The following STXBP6 variants were observed in gnomAD, a reference collection of about 807,000 sequenced individuals.
The protein encoded by STXBP6 is syntaxin binding protein 6, also known as syntaxin-binding protein 6.
STXBP6 carries 21 observed loss-of-function variants against 26.9 expected under a neutral mutation model. The ratio of observed to expected loss-of-function variants is 0.78; its 90% CI spans 0.55 to 1.12. The LOEUF (loss-of-function observed/expected upper bound fraction) is 1.12, where lower values mean the gene tolerates loss of function less well. Ranked by LOEUF, STXBP6 falls within the 50% of genes most tolerant of loss-of-function variation. The pLI, the probability that STXBP6 is intolerant of heterozygous loss-of-function variation, is 0.00. For synonymous variants in STXBP6, 97 were observed against 92.6 expected, an observed-to-expected ratio of 1.05 and a Z score of -0.27; for missense variants, 232 against 257.9, an observed-to-expected ratio of 0.90 and a Z score of 0.69.
rs2071434711 is a variant in STXBP6, at chr14:24,907,767, T to A, written c.155-50610A>T. On this transcript the variant is annotated intron_variant, in intron 2 of 5. Transcript: ENST00000323944. ...CCATGAAAGAGACACTGATATTAGT[T>A]CCTCTTTTTAAAAGTTTTTTTTCCT... Among the ~76,000 whole-genome samples the A allele has an allele frequency of 2.0e-5, 3 of 152,246 alleles. No homozygotes were observed. In the South Asian group the frequency reaches 6.2e-4, roughly 32 times the overall value.
At chr14:24,942,796 A>T (rs1686566540) in intron 2 of STXBP6, among the ~76,000 whole-genome samples, 1 of 152,340 alleles carries the variant, frequency 6.6e-6, no homozygotes, top group South Asian at 2.1e-4. Flanking sequence ...CCACAGACCA[A>T]TATCTATGTG....
chr14:24,907,756 C>G (rs1228721998), intron 2 of STXBP6, among the ~76,000 whole-genome samples: 1 of 152,078 alleles, frequency 6.6e-6, no homozygotes, highest in African/African-American at 2.4e-5. Context: ...GAAAGAGACA[C>G]TGATATTAGT....
intron 2 of STXBP6, among the ~76,000 whole-genome samples, chr14:24,963,317 A>G (rs1380789444): frequency 6.6e-6 from 1 of 152,208 alleles, no homozygotes; most frequent in Non-Finnish European, 1.5e-5. Context: ...AGGAAGATGA[A>G]AACTTGGATC....
In STXBP6 at chr14:25,049,525, C is replaced by T. The variant is rs2075772983; in HGVS notation, c.-33+353G>A. ...GGGGCAGCATTCTCGGGGCCCATGC[C>T]ATCGCGGGGACGGTGCGGAAAAAAA... On this transcript the variant is annotated intron_variant, in intron 1 of 5. Transcript: ENST00000323944. The surrounding 1 kb of genome is among the most constrained non-coding windows in gnomAD (Gnocchi z 5.6). 1.0e-6 allele frequency: 1 copy of T among 985,402 alleles called. No homozygotes were observed. Among genetic ancestry groups the T allele is most frequent in the African/African-American group, 1.7e-5 (1 of 57,234 alleles). 61.0% of individuals were successfully genotyped at this position (985,402 alleles called of 1,614,324 possible). A position where few individuals can be genotyped will look rare whatever the true frequency, so the allele number is the denominator to read the frequency against.
intron 1 of STXBP6, among the ~76,000 whole-genome samples, chr14:25,020,198 T>C (rs1057352223): frequency 5.3e-5 from 8 of 152,138 alleles, no homozygotes; most frequent in Non-Finnish European, 1.5e-5. Context: ...AATATGACCA[T>C]GTGAGGCAAA....
rs1234524502 is a variant in STXBP6, at chr14:24,974,719, G to A, written c.100C>T (p.Pro34Ser). 7 of 1,579,336 alleles carry A rather than the reference G, an allele frequency of 4.4e-6. No homozygotes were observed. Among genetic ancestry groups the A allele is most frequent in the Admixed American group, 1.8e-5 (1 of 55,842 alleles). Residue 34 changes from proline to serine, a missense_variant, in exon 2 of 6, where the codon CCT (proline) becomes TCT (serine). By Grantham distance (74) the Pro-to-Ser change is moderately conservative. Transcript: ENST00000323944. ...QVKRRTKKKIPFLATGGQGEY... is the reference protein window; with the variant it reads ...QVKRRTKKKISFLATGGQGEY... ...CCTTGACCTCCAGTTGCCAAGAAAGGAATCTTTTTCTTTGTCCTCCTCTTG... is the reference window on the plus strand; with the variant it reads ...CCTTGACCTCCAGTTGCCAAGAAAGAAATCTTTTTCTTTGTCCTCCTCTTG...
intron 2 of STXBP6, among the ~76,000 whole-genome samples, chr14:24,877,409 G>T (rs1021017396): frequency 6.6e-6 from 1 of 151,964 alleles, no homozygotes; most frequent in East Asian, 1.9e-4. Flanking sequence ...CTCTTCCCCT[G>T]CCTTCCTGTA....
At chr14:24,931,571 C>T (rs1271834551) in intron 2 of STXBP6, among the ~76,000 whole-genome samples, 1 of 152,076 alleles carries the variant, frequency 6.6e-6, no homozygotes, top group African/African-American at 2.4e-5. Context: ...AACTAATTCC[C>T]TCATATTTAT....
Position 24,965,878 on chromosome 14 carries a change from C to A in STXBP6, c.154+8787G>T, listed in dbSNP as rs564447271. Among the ~76,000 whole-genome samples, 11 of 152,214 alleles carry A rather than the reference C, an allele frequency of 7.2e-5. No individual in the cohort carries two copies. The South Asian group carries it at 1.9e-3, about 26-fold the overall frequency. On this transcript the variant is annotated intron_variant, in intron 2 of 5. Transcript: ENST00000323944. ...TCAAAGTGTTAACCTAGAAAATCAC[C>A]CAAAGAATGCATCTATGTGGCTTAA...
intron 2 of STXBP6, among the ~76,000 whole-genome samples, chr14:24,914,045 G>C (rs2071667937): frequency 6.6e-6 from 1 of 152,086 alleles, no homozygotes. Context: ...CTGTCATTTG[G>C]TAACAGATAC....
chr14:25,006,250 C>T (rs1165786837), intron 1 of STXBP6, among the ~76,000 whole-genome samples: 3 of 152,122 alleles, frequency 2.0e-5, no homozygotes, highest in Non-Finnish European at 4.4e-5. Context: ...GTGGCTGTAC[C>T]TAACTCCAAA....
At chr14:25,048,163 G>C (rs2075753671) in intron 1 of STXBP6, among the ~76,000 whole-genome samples, 1 of 152,212 alleles carries the variant, frequency 6.6e-6, no homozygotes, top group South Asian at 2.1e-4. Context: ...TAGATGTCTT[G>C]TTATAATTAA....
intron 2 of STXBP6, among the ~76,000 whole-genome samples, chr14:24,963,242 C>G (rs1383235696): frequency 6.6e-6 from 1 of 152,156 alleles, no homozygotes; most frequent in East Asian, 1.9e-4. Context: ...AGAGGTATAA[C>G]CCACGTAATT....
chr14:25,012,010 T>C (rs2075042978), intron 1 of STXBP6, among the ~76,000 whole-genome samples: 1 of 152,178 alleles, frequency 6.6e-6, no homozygotes, highest in Non-Finnish European at 1.5e-5. Flanking sequence ...TGAGACAGGA[T>C]CTCGTTCTGT....
intron 2 of STXBP6, among the ~76,000 whole-genome samples, chr14:24,943,820 T>TA (rs1167405943): frequency 6.6e-6 from 1 of 152,226 alleles, no homozygotes; most frequent in Non-Finnish European, 1.5e-5. Flanking sequence ...GTAGGAGCTC[T>TA]AGCTTTGACT....
At chr14:24,926,708 G>A (rs1293854868) in intron 2 of STXBP6, among the ~76,000 whole-genome samples, 1 of 152,254 alleles carries the variant, frequency 6.6e-6, no homozygotes, top group East Asian at 1.9e-4. Flanking sequence ...GTTAAGAGCA[G>A]CCTCTGAATC....
chr14:24,967,315 G>T (rs962192198), intron 2 of STXBP6, among the ~76,000 whole-genome samples: 1 of 151,684 alleles, frequency 6.6e-6, no homozygotes, highest in African/African-American at 2.4e-5. Context: ...AAAGCAGGCT[G>T]ATGCCACCCT....
intron 1 of STXBP6, among the ~76,000 whole-genome samples, chr14:25,042,863 G>A (rs1165818288): frequency 6.6e-6 from 1 of 152,238 alleles, no homozygotes; most frequent in Non-Finnish European, 1.5e-5. Flanking sequence ...AGCTCCAGCG[G>A]TGTTAAACCT....
At chr14:24,986,305 G>C (rs1362114581) in intron 1 of STXBP6, among the ~76,000 whole-genome samples, 1 of 152,100 alleles carries the variant, frequency 6.6e-6, no homozygotes, top group African/African-American at 2.4e-5. Context: ...TGCCCAAGCG[G>C]AACAGCCCAG....
Sources: allele counts gnomAD v4.1 joint callset (sites outside exome capture counted in the v4.1 genomes callset), GRCh38; gene constraint gnomAD v4.1.1; non-coding constraint Gnocchi (gnomAD v3.1); transcripts MANE v1.5; gene names NCBI Gene and HGNC (gene_info 2026-07-23, HGNC 2026-07-21).